Variants in TRMT9B observed in about 807,000 individuals in gnomAD.
The protein encoded by TRMT9B is probable tRNA methyltransferase 9B.
TRMT9B carries 16 observed loss-of-function variants against 11.5 expected under a neutral mutation model. That is an observed-to-expected ratio of 1.39 (90% CI 0.94 to 2.11). TRMT9B has a LOEUF of 2.11. Ranked by LOEUF, TRMT9B falls within the 30% of genes most tolerant of loss-of-function variation. The probability of loss-of-function intolerance (pLI) is 0.00; values close to 1 mark genes in which losing one functional copy is unlikely to be tolerated. For missense variants in TRMT9B, 941 were observed against 553.8 expected, an observed-to-expected ratio of 1.70 and a Z score of -7.02; for synonymous variants, 274 against 192.4, an observed-to-expected ratio of 1.42 and a Z score of -3.51.
chr8:13,008,739 TC>T (rs1278667639), intron 3 of TRMT9B, among the ~76,000 whole-genome samples: 79 of 152,274 alleles, frequency 5.2e-4, no homozygotes, highest in African/African-American at 1.5e-3. Context: ...AATTTTTTTT[TC>T]TTTTTTGAGA....
At chr8:13,012,925 A>C in intron 4 of TRMT9B, 68 bp downstream of exon 4, 1 of 1,552,628 alleles carries the variant, frequency 6.4e-7, no homozygotes. Flanking sequence ...GTCCGTTCTC[A>C]TGACTCAACA....
At chr8:13,004,895 C>T (rs892270078) in intron 2 of TRMT9B, among the ~76,000 whole-genome samples, 1 of 151,874 alleles carries the variant, frequency 6.6e-6, no homozygotes, top group African/African-American at 2.4e-5. Context: ...CATCTCATGG[C>T]TTGAGTGCCA....
chr8:12,951,873 G>A (rs1406193657), intron 1 of TRMT9B: 1 of 152,024 alleles, frequency 6.6e-6, no homozygotes, highest in African/African-American at 2.4e-5. Flanking sequence ...GGCTAGCGAA[G>A]CACCCCCGAC....
intron 2 of TRMT9B, among the ~76,000 whole-genome samples, chr8:12,992,955 T>C (rs2954180): frequency 0.039 from 6,014 of 152,290 alleles, 148 homozygotes; most frequent in African/African-American, 0.07. Flanking sequence ...AGGAAGAAAC[T>C]GTGCTAGACT....
chr8:12,984,969 ACACACACACACACACACACT>A (rs1177582251), intron 1 of TRMT9B, among the ~76,000 whole-genome samples: 3,680 of 150,834 alleles, frequency 0.024, 163 homozygotes, highest in African/African-American at 0.085. Flanking sequence ...ACACACACAC[ACACACACACACACACACACT>A]CTCTCTCTCA....
chr8:13,012,612 T>A (rs1811847231), intron 3 of TRMT9B, 72 bp from the exon 4 acceptor site: 1 of 1,485,500 alleles, frequency 6.7e-7, no homozygotes, highest in African/African-American at 1.4e-5. Context: ...TTATATTTCT[T>A]GTTATGAGAC....
chr8:13,011,013 A>C (rs1311682375), intron 3 of TRMT9B: 9 of 795,504 alleles, frequency 1.1e-5, no homozygotes, highest in Admixed American at 1.3e-4. Flanking sequence ...ACAAAATCTA[A>C]CTCTGTCATC....
intron 1 of TRMT9B, chr8:12,951,578 G>T (rs1800620748): frequency 6.6e-6 from 1 of 152,194 alleles, no homozygotes; most frequent in South Asian, 2.1e-4. Flanking sequence ...CAGGGAACGG[G>T]GCGGGGAGGC....
chr8:12,961,472 T>C (rs1050365941), intron 1 of TRMT9B, among the ~76,000 whole-genome samples: 4 of 151,632 alleles, frequency 2.6e-5, no homozygotes, highest in Admixed American at 6.6e-5. Context: ...GAGGCCGAGG[T>C]GGGCGGATCA....
intron 1 of TRMT9B, among the ~76,000 whole-genome samples, chr8:12,973,792 C>T (rs1260909688): frequency 6.6e-6 from 1 of 152,200 alleles, no homozygotes; most frequent in African/African-American, 2.4e-5. Context: ...CAAAACACTT[C>T]ATGAATGAGA....
chr8:13,002,984 C>A (rs1013448523), intron 2 of TRMT9B, among the ~76,000 whole-genome samples: 5 of 152,138 alleles, frequency 3.3e-5, no homozygotes, highest in Non-Finnish European at 7.4e-5. Context: ...AAAGCCAATA[C>A]TACCCTCTGT....
rs1238204098 is a variant in TRMT9B, at chr8:13,026,899, A to G, written c.*4855A>G. On this transcript the variant is annotated 3_prime_UTR_variant, in exon 5 of 5. Coordinates refer to ENST00000524591, the MANE Select transcript of TRMT9B (RefSeq NM_020844.3). ...GAGCTTTGGAAAAGTTTAAGCAAAGATTACACAGCTAGACAATAATTCAAT... is the reference window on the plus strand; with the variant it reads ...GAGCTTTGGAAAAGTTTAAGCAAAGGTTACACAGCTAGACAATAATTCAAT... The G allele has an allele frequency of 6.0e-6, 1 of 167,090 alleles. No individual in the cohort carries two copies. Among genetic ancestry groups the G allele is most frequent in the Non-Finnish European group, 1.5e-5 (1 of 68,130 alleles). The allele number at this position is 167,090 out of a possible 1,614,324, so 10.4% of individuals were successfully genotyped here.
intron 2 of TRMT9B, 128 bp from the exon 3 acceptor site, chr8:13,006,073 TA>T: frequency 1.2e-6 from 1 of 807,682 alleles, no homozygotes; most frequent in Non-Finnish European, 1.9e-6. Flanking sequence ...TTGCAGCTTA[TA>T]AGAAAGTGTG....
chr8:12,948,587 G>A (rs1307069520), intron 1 of TRMT9B, among the ~76,000 whole-genome samples: 1 of 149,108 alleles, frequency 6.7e-6, no homozygotes, highest in Non-Finnish European at 1.5e-5. Flanking sequence ...TAAATTATAT[G>A]CATGATATAA....
rs1814883177 is a variant in TRMT9B at position 13,027,890 on chromosome 8, A to C, written c.*5846A>C. ...TTAACTCAAAATTATGATTATTTTGATTATTTAATGATTGTTTTGATAGTA... is the reference window on the plus strand; with the variant it reads ...TTAACTCAAAATTATGATTATTTTGCTTATTTAATGATTGTTTTGATAGTA... On this transcript the variant is annotated 3_prime_UTR_variant, in exon 5 of 5. Transcript: ENST00000524591. 1 of 167,102 alleles carries C rather than the reference A, an allele frequency of 6.0e-6. No individual in the cohort carries two copies. Among genetic ancestry groups the C allele is most frequent in the Admixed American group, 6.5e-5 (1 of 15,288 alleles). The allele number at this position is 167,102 out of a possible 1,614,324, so 10.4% of individuals were successfully genotyped here.
intron 2 of TRMT9B, among the ~76,000 whole-genome samples, chr8:13,001,478 A>C (rs1585298169): frequency 6.6e-6 from 1 of 152,270 alleles, no homozygotes; most frequent in Non-Finnish European, 1.5e-5. Context: ...CTTAGAAGTT[A>C]TGATTTGTAG....
At chr8:12,993,309 A>G (rs75413778) in intron 2 of TRMT9B, among the ~76,000 whole-genome samples, 1,925 of 152,338 alleles carry the variant, frequency 0.013, 35 homozygotes, top group African/African-American at 0.042. Flanking sequence ...ACTGCCATGA[A>G]ATAGAGATTC....
intron 4 of TRMT9B, among the ~76,000 whole-genome samples, chr8:13,014,547 G>C (rs576250004): frequency 6.6e-6 from 1 of 152,070 alleles, no homozygotes; most frequent in South Asian, 2.1e-4. Flanking sequence ...CATAATGGGG[G>C]CCCCACTCTC....
chr8:12,992,601 C>T (rs2128879794), intron 2 of TRMT9B, among the ~76,000 whole-genome samples: 1 of 152,064 alleles, frequency 6.6e-6, no homozygotes. Context: ...CTTGCAATCC[C>T]AGCATTTTGA....
Sources: allele counts gnomAD v4.1 joint callset (sites outside exome capture counted in the v4.1 genomes callset), GRCh38; gene constraint gnomAD v4.1.1; transcripts MANE v1.5; gene names NCBI Gene and HGNC (gene_info 2026-07-23, HGNC 2026-07-21).